The following DGKB variants were observed in gnomAD, a reference collection of about 807,000 sequenced individuals.
The protein encoded by DGKB is 90 kDa diacylglycerol kinase.
In DGKB, 67 loss-of-function variants were observed where a neutral mutation model predicts 114.3. The observed-to-expected ratio is 0.59, with a 90% CI of 0.48 to 0.72. The LOEUF (loss-of-function observed/expected upper bound fraction) is 0.72. DGKB is among the 30% of genes least tolerant of loss of function. The pLI, the probability that DGKB is intolerant of heterozygous loss-of-function variation, is 0.00. For missense variants in DGKB, 907 were observed against 975.2 expected (o/e 0.93, Z 0.93); for synonymous variants, 398 against 323.1 (o/e 1.23, Z -2.49).
intron 17 of DGKB, among the ~76,000 whole-genome samples, chr7:14,600,813 A>T (rs1803403741): frequency 6.6e-6 from 1 of 152,174 alleles, no homozygotes; most frequent in African/African-American, 2.4e-5. Flanking sequence ...TAAGCCCCTA[A>T]GGCTCCGAAA....
chr7:14,764,140 T>C (rs1337179847), intron 2 of DGKB, among the ~76,000 whole-genome samples: 1 of 151,942 alleles, frequency 6.6e-6, no homozygotes, highest in Non-Finnish European at 1.5e-5. Flanking sequence ...ATTAACCCTG[T>C]AGTAGAGAGG....
At chr7:14,220,136 G>A (rs1345397575) in intron 23 of DGKB, among the ~76,000 whole-genome samples, 1 of 151,578 alleles carries the variant, frequency 6.6e-6, no homozygotes, top group Non-Finnish European at 1.5e-5. Context: ...TTACTGTACT[G>A]AATACTGTAG....
intron 2 of DGKB, among the ~76,000 whole-genome samples, chr7:14,823,679 C>T (rs1586739540): frequency 1.3e-5 from 2 of 152,074 alleles, no homozygotes; most frequent in Admixed American, 1.3e-4. Flanking sequence ...TTAAAAAACA[C>T]AGCAATGAAA....
At chr7:14,956,933 G>A (rs1288064086) in intron 1 of DGKB, among the ~76,000 whole-genome samples, 1 of 151,312 alleles carries the variant, frequency 6.6e-6, no homozygotes, top group Non-Finnish European at 1.5e-5. Context: ...GCTACCTCCC[G>A]GCTTCCTCCC....
intron 23 of DGKB, among the ~76,000 whole-genome samples, chr7:14,246,234 TTTGAG>T (rs1356021595): frequency 5.3e-5 from 8 of 152,160 alleles, no homozygotes; most frequent in African/African-American, 1.9e-4. Context: ...GCTAATAACT[TTTGAG>T]TGGTGATTGT....
intron 2 of DGKB, among the ~76,000 whole-genome samples, chr7:14,812,905 C>A (rs1299646989): frequency 6.6e-6 from 1 of 152,230 alleles, no homozygotes; most frequent in Non-Finnish European, 1.5e-5. Context: ...CTCCAATTCC[C>A]TTTTATTCCC....
intron 20 of DGKB, among the ~76,000 whole-genome samples, chr7:14,544,528 T>A (rs1361524146): frequency 1.3e-5 from 2 of 152,190 alleles, no homozygotes; most frequent in African/African-American, 4.8e-5. Flanking sequence ...AATTCACTCA[T>A]TTTTGTATAT....
chr7:14,611,521 G>A (rs950614531), intron 16 of DGKB, among the ~76,000 whole-genome samples: 1 of 152,100 alleles, frequency 6.6e-6, no homozygotes, highest in Non-Finnish European at 1.5e-5. Context: ...TCTTATGCAG[G>A]CAGAAAAATT....
chr7:14,735,377 C>T (rs1831557423), intron 5 of DGKB, among the ~76,000 whole-genome samples: 1 of 152,204 alleles, frequency 6.6e-6, no homozygotes, highest in South Asian at 2.1e-4. Flanking sequence ...CACATGTTTC[C>T]TTGAGTCTAT....
chr7:14,949,825 C>T (rs112017808), intron 1 of DGKB, among the ~76,000 whole-genome samples: 1 of 151,810 alleles, frequency 6.6e-6, no homozygotes, highest in African/African-American at 2.4e-5. Context: ...AGCTGGAAAC[C>T]ATCATTCTCA....
chr7:14,480,132 A>G (rs550953198), intron 20 of DGKB, among the ~76,000 whole-genome samples: 13 of 152,070 alleles, frequency 8.5e-5, no homozygotes, highest in African/African-American at 3.1e-4. Context: ...GAGAGAGGCA[A>G]GAAGACAGGA....
intron 23 of DGKB, among the ~76,000 whole-genome samples, chr7:14,244,014 TGAGAGATTCTGA>T (rs1194546058): frequency 1.3e-5 from 2 of 150,164 alleles, no homozygotes; most frequent in African/African-American, 4.9e-5. Context: ...TACAGTGTTA[TGAGAGATTCTGA>T]GAGAGAGAGA....
intron 23 of DGKB, among the ~76,000 whole-genome samples, chr7:14,215,615 G>A (rs1788824592): frequency 6.6e-6 from 1 of 151,976 alleles, no homozygotes; most frequent in South Asian, 2.1e-4. Flanking sequence ...GTGGCTACTG[G>A]TATTACCTTC....
intron 17 of DGKB, among the ~76,000 whole-genome samples, chr7:14,598,155 T>A (rs551337780): frequency 1.3e-3 from 198 of 152,278 alleles, no homozygotes; most frequent in African/African-American, 4.3e-3. Context: ...AAAAACTTTA[T>A]TTAGAGTGCA....
At chr7:14,470,406 T>A (rs1422032870) in intron 21 of DGKB, among the ~76,000 whole-genome samples, 1 of 151,868 alleles carries the variant, frequency 6.6e-6, no homozygotes, top group African/African-American at 2.4e-5. Context: ...CAGTCTACAA[T>A]AATGAACTTG....
At chr7:14,735,988 TA>T in intron 5 of DGKB, 52 bp downstream of exon 5, 2 of 1,112,072 alleles carry the variant, frequency 1.8e-6, no homozygotes, top group Non-Finnish European at 2.5e-6. Context: ...ACTAGATATT[TA>T]TTTAGCCTTT....
At chr7:14,290,562 C>T (rs1436828319) in intron 23 of DGKB, among the ~76,000 whole-genome samples, 1 of 152,070 alleles carries the variant, frequency 6.6e-6, no homozygotes, top group African/African-American at 2.4e-5. Flanking sequence ...TGCCTCGGTA[C>T]CCTCTACCTG....
At chr7:14,915,300 C>CTT (rs1433361177) in intron 1 of DGKB, among the ~76,000 whole-genome samples, 2 of 152,118 alleles carry the variant, frequency 1.3e-5, no homozygotes, top group East Asian at 1.9e-4. Flanking sequence ...ATCACTTGAG[C>CTT]CCAGGAATTC....
At chr7:14,766,833 A>G (rs1836530719) in intron 2 of DGKB, among the ~76,000 whole-genome samples, 1 of 151,986 alleles carries the variant, frequency 6.6e-6, no homozygotes, top group South Asian at 2.1e-4. Context: ...TGAAATAGCA[A>G]GAATACCAGG....
Sources: gnomAD v4.1 joint callset for allele counts (sites outside exome capture counted in the v4.1 genomes callset) on GRCh38, gnomAD v4.1.1 for gene constraint, MANE v1.5 for transcripts, NCBI Gene and HGNC (gene_info 2026-07-23, HGNC 2026-07-21) for gene names.